APBA1: variants seen among roughly 807,000 people sequenced by gnomAD.
APBA1 encodes amyloid-beta A4 precursor protein-binding family A member 1.
In APBA1, 55 loss-of-function variants were observed where a neutral mutation model predicts 86.6. The observed-to-expected ratio is 0.64, with a 90% CI of 0.51 to 0.80. APBA1 has a LOEUF of 0.80. APBA1 is among the 30% of genes least tolerant of loss of function. APBA1 has a pLI of 0.00. For missense variants in APBA1, 1,090 were observed against 1,183.0 expected, an observed-to-expected ratio of 0.92 and a Z score of 1.15; for synonymous variants, 511 against 493.9, an observed-to-expected ratio of 1.03 and a Z score of -0.46.
chr9:69,432,245 G>C (rs908191211), intron 12 of APBA1, among the ~76,000 whole-genome samples: 1 of 152,124 alleles, frequency 6.6e-6, no homozygotes, highest in African/African-American at 2.4e-5. Flanking sequence ...CAACTTAGGC[G>C]GCCATACAGA....
chr9:69,486,856 T>G (rs1835618824), intron 2 of APBA1, among the ~76,000 whole-genome samples: 1 of 105,522 alleles, frequency 9.5e-6, no homozygotes, highest in African/African-American at 3.4e-5. Context: ...TAGATATTTT[T>G]TTTTTCTTCT....
chr9:69,499,689 G>A (rs1333401519), intron 2 of APBA1, among the ~76,000 whole-genome samples: 1 of 150,770 alleles, frequency 6.6e-6, no homozygotes, highest in African/African-American at 2.4e-5. Context: ...AATCCATGTC[G>A]GTGGCATGCT....
At chr9:69,651,226 G>A (rs1328766795) in intron 1 of APBA1, among the ~76,000 whole-genome samples, 1 of 152,134 alleles carries the variant, frequency 6.6e-6, no homozygotes, top group Non-Finnish European at 1.5e-5. Flanking sequence ...GATCAATAAT[G>A]ACAGAAGCAG....
At position 69,431,004 on chromosome 9, in the gene APBA1, G is replaced by A. The variant is rs1390188406; in HGVS notation, c.*323C>T. On this transcript the variant is annotated 3_prime_UTR_variant, in exon 13 of 13. Coordinates refer to ENST00000265381, the MANE Select transcript of APBA1 (RefSeq NM_001163.4). ...GAAGTCTGCACCTCCTGGGAAGGGA[G>A]GATTCTCCCTCAAGCAGTGACAGCC... 2 of 268,752 alleles carry A rather than the reference G, an allele frequency of 7.4e-6. No homozygotes were observed. Among genetic ancestry groups the A allele is most frequent in the African/African-American group, 2.2e-5 (1 of 45,742 alleles). 16.6% of individuals were successfully genotyped at this position (268,752 alleles called of 1,614,324 possible). A position where few individuals can be genotyped will look rare whatever the true frequency, so the allele number is the denominator to read the frequency against.
intron 1 of APBA1, among the ~76,000 whole-genome samples, chr9:69,669,201 G>C (rs958950013): frequency 1.3e-5 from 2 of 152,044 alleles, no homozygotes; most frequent in Non-Finnish European, 2.9e-5. Flanking sequence ...CAGATTTTAC[G>C]GCTTGAAATT....
chr9:69,443,799 T>C (rs1834863685), intron 10 of APBA1, among the ~76,000 whole-genome samples: 1 of 152,232 alleles, frequency 6.6e-6, no homozygotes, highest in Non-Finnish European at 1.5e-5. Flanking sequence ...ACAGTATTTC[T>C]ACACCATAAT....
Position 69,456,250 on chromosome 9 carries a change from C to T in APBA1, c.1785G>A (p.Glu595=). 1.9e-6 allele frequency: 3 copies of T among 1,614,202 alleles called. No homozygotes were observed. Among genetic ancestry groups the T allele is most frequent in the Non-Finnish European group, 2.5e-6 (3 of 1,180,032 alleles). The stretch of plus-strand genomic sequence containing the variant: ...GATCAAAGGAAGCAACCCTTACATC[C>T]TCAGACTCGAAGACGTGGCAGATCA... ...YKMICHVFES[E]DAQLIAQSIG... is the part of the protein sequence containing the mutation. The change falls in exon 8 of 13, where the codon GAG becomes GAA. Residue 595 remains glutamate (E), a synonymous_variant. Transcript: ENST00000265381.
chr9:69,516,441 G>C lies in APBA1; in HGVS notation c.770C>G (p.Pro257Arg). 6.2e-7 allele frequency: 1 copy of C among 1,604,410 alleles called. No homozygotes were observed. Among genetic ancestry groups the C allele is most frequent in the African/African-American group, 1.3e-5 (1 of 74,918 alleles). Residue 257 changes from proline (P) to arginine (R), a missense_variant, in exon 2 of 13, where the codon CCC (proline) becomes CGC (arginine). Coordinates refer to ENST00000265381, the MANE Select transcript of APBA1 (RefSeq NM_001163.4). This position sits in a 1 kb window ranked among gnomAD's most constrained non-coding sequence, Gnocchi z 7.3. ...CTCGTAGCTGTCCATGCGCGGGTAG[G>C]GCGCGAACTCGGCCTCCTTCTCGGG... ...DSPEKEAEFA[P>R]YPRMDSYEQE...
chr9:69,576,825 G>C (rs1175815004), intron 1 of APBA1, among the ~76,000 whole-genome samples: 1 of 152,122 alleles, frequency 6.6e-6, no homozygotes, highest in Admixed American at 6.5e-5. Context: ...CCTGCACGTT[G>C]TGCACATGTA....
At chr9:69,672,086 G>A (rs1823961677) in intron 1 of APBA1, 67 bp downstream of exon 1, 1 of 153,082 alleles carries the variant, frequency 6.5e-6, no homozygotes, top group African/African-American at 2.4e-5. Flanking sequence ...GCGAGGACCC[G>A]GGCTCCGTCG....
intron 8 of APBA1, among the ~76,000 whole-genome samples, chr9:69,456,043 A>G (rs1204185969): frequency 1.3e-5 from 2 of 152,006 alleles, no homozygotes; most frequent in Non-Finnish European, 2.9e-5. Context: ...ATATTTACCT[A>G]TTGATTTTCT....
intron 1 of APBA1, among the ~76,000 whole-genome samples, chr9:69,622,283 C>G (rs968658632): frequency 1.3e-5 from 2 of 152,220 alleles, no homozygotes; most frequent in African/African-American, 4.8e-5. Flanking sequence ...TGCCACACAT[C>G]TCCTCCAGCA....
At chr9:69,614,767 A>T (rs1822668072) in intron 1 of APBA1, among the ~76,000 whole-genome samples, 1 of 152,248 alleles carries the variant, frequency 6.6e-6, no homozygotes, top group Non-Finnish European at 1.5e-5. Context: ...GAATTCATGA[A>T]ACTACTAATC....
chr9:69,657,780 A>C (rs1823640848), intron 1 of APBA1, among the ~76,000 whole-genome samples: 1 of 152,268 alleles, frequency 6.6e-6, no homozygotes, highest in South Asian at 2.1e-4. Flanking sequence ...ATTTTGGGTG[A>C]CTCCTGGTTT....
chr9:69,489,394 A>C (rs1835665219), intron 2 of APBA1, among the ~76,000 whole-genome samples: 1 of 152,176 alleles, frequency 6.6e-6, no homozygotes, highest in Admixed American at 6.5e-5. Flanking sequence ...TTCCCTATTT[A>C]ATAAATGGTG....
intron 2 of APBA1, among the ~76,000 whole-genome samples, chr9:69,505,024 C>A (rs981049186): frequency 6.6e-6 from 1 of 151,978 alleles, no homozygotes. Context: ...GGGCGTCTAC[C>A]GCACACATCC....
intron 1 of APBA1, among the ~76,000 whole-genome samples, chr9:69,614,605 T>A (rs1822665903): frequency 6.6e-6 from 1 of 152,204 alleles, no homozygotes; most frequent in African/African-American, 2.4e-5. Context: ...ATATTCTAAG[T>A]CTCTGTCATC....
intron 1 of APBA1, among the ~76,000 whole-genome samples, chr9:69,566,938 C>T (rs1428486809): frequency 2.6e-5 from 4 of 152,168 alleles, no homozygotes; most frequent in Non-Finnish European, 5.9e-5. Flanking sequence ...GCTGTGAGGG[C>T]TGAAACTCTG....
At chr9:69,495,919 C>T (rs886192030) in intron 2 of APBA1, among the ~76,000 whole-genome samples, 11 of 152,002 alleles carry the variant, frequency 7.2e-5, no homozygotes, top group Admixed American at 6.5e-5. Flanking sequence ...TCACCTTTAC[C>T]GAGGGCCTGA....
Sources: allele counts gnomAD v4.1 joint callset (sites outside exome capture counted in the v4.1 genomes callset), GRCh38; gene constraint gnomAD v4.1.1; non-coding constraint Gnocchi (gnomAD v3.1); transcripts MANE v1.5; gene names NCBI Gene and HGNC (gene_info 2026-07-23, HGNC 2026-07-21).